Variants in ANO10 observed in about 807,000 individuals in gnomAD.
ANO10 encodes anoctamin 10.
In ANO10, 77 loss-of-function variants were observed where a neutral mutation model predicts 74.7. The ratio of observed to expected loss-of-function variants is 1.03; its 90% CI spans 0.86 to 1.25. The LOEUF (loss-of-function observed/expected upper bound fraction) is 1.25. ANO10 is among the 50% of genes most tolerant of loss of function. The pLI, the probability that ANO10 is intolerant of heterozygous loss-of-function variation, is 0.00. For synonymous variants in ANO10, 279 were observed against 284.9 expected, an observed-to-expected ratio of 0.98 and a Z score of 0.21; for missense variants, 721 against 778.1, an observed-to-expected ratio of 0.93 and a Z score of 0.87.
chr3:43,451,108 G>A (rs2074847097), intron 11 of ANO10, among the ~76,000 whole-genome samples: 1 of 152,200 alleles, frequency 6.6e-6, no homozygotes, highest in Non-Finnish European at 1.5e-5. Context: ...GCACATCCTT[G>A]CAGGAACAGT....
intron 11 of ANO10, among the ~76,000 whole-genome samples, chr3:43,535,293 G>T (rs1200382580): frequency 6.6e-5 from 9 of 136,228 alleles, no homozygotes; most frequent in Admixed American, 1.5e-4. Flanking sequence ...TTTTTTGAAG[G>T]GGGGAAGAGG....
intron 4 of ANO10, among the ~76,000 whole-genome samples, chr3:43,587,110 A>C (rs1386758558): frequency 3.9e-5 from 6 of 152,202 alleles, no homozygotes; most frequent in Non-Finnish European, 7.3e-5. Flanking sequence ...CAACCAAAAA[A>C]AAATTTGATA....
chr3:43,676,647 C>T (rs560845829), intron 1 of ANO10, among the ~76,000 whole-genome samples: 1 of 152,190 alleles, frequency 6.6e-6, no homozygotes, highest in East Asian at 1.9e-4. Flanking sequence ...TGTATTGTTT[C>T]AGTGTCAATG....
intron 11 of ANO10, among the ~76,000 whole-genome samples, chr3:43,471,208 C>T (rs1343939799): frequency 6.6e-6 from 1 of 152,112 alleles, no homozygotes; most frequent in Non-Finnish European, 1.5e-5. Flanking sequence ...ACATCAAACA[C>T]TCAACCCCAG....
intron 2 of ANO10, among the ~76,000 whole-genome samples, chr3:43,604,470 T>C (rs2082471893): frequency 6.6e-6 from 1 of 152,108 alleles, no homozygotes; most frequent in African/African-American, 2.4e-5. Context: ...GCCGCCTGTT[T>C]CCTAGCTTCC....
At chr3:43,634,174 C>T (rs2083581112) in intron 1 of ANO10, among the ~76,000 whole-genome samples, 1 of 152,044 alleles carries the variant, frequency 6.6e-6, no homozygotes. Context: ...AGCCTTGCCA[C>T]CATCACAACT....
intron 4 of ANO10, among the ~76,000 whole-genome samples, chr3:43,588,458 G>A (rs2081576845): frequency 6.6e-6 from 1 of 150,940 alleles, no homozygotes; most frequent in Admixed American, 6.6e-5. Flanking sequence ...ACACAAAAAA[G>A]CAATTTCAAC....
intron 12 of ANO10, among the ~76,000 whole-genome samples, chr3:43,418,831 T>G (rs75919775): frequency 6.6e-6 from 1 of 152,146 alleles, no homozygotes; most frequent in Admixed American, 6.5e-5. Flanking sequence ...AAGAAGGGAA[T>G]GGCAATAGGT....
chr3:43,547,758 T>C (rs913775035), intron 11 of ANO10, among the ~76,000 whole-genome samples: 5 of 152,110 alleles, frequency 3.3e-5, no homozygotes, highest in African/African-American at 9.7e-5. Flanking sequence ...GTCTCCCGAA[T>C]TAAGTAAGAA....
chr3:43,566,892 G>A (rs1019995383), intron 7 of ANO10, among the ~76,000 whole-genome samples: 6 of 152,146 alleles, frequency 3.9e-5, no homozygotes, highest in East Asian at 1.9e-4. Flanking sequence ...TCTGAGCTAC[G>A]GGAGGACATT....
In ANO10 at chr3:43,589,395, T is replaced by C. The variant is rs147998989; in HGVS notation, c.473-8923A>G. Among the ~76,000 whole-genome samples the C allele has an allele frequency of 3.0e-3, 454 of 152,294 alleles. 1 individual carries two copies. Among genetic ancestry groups the C allele is most frequent in the African/African-American group, 0.011 (438 of 41,562 alleles). On this transcript the variant is annotated intron_variant, in intron 4 of 12. Transcript: ENST00000292246. ...ATATAACATGCATTCCTTTATGAAC[T>C]GAAGCAATCGGCTGGGCGCAGTGGC...
At chr3:43,463,180 T>C (rs1045939298) in intron 11 of ANO10, among the ~76,000 whole-genome samples, 2 of 152,162 alleles carry the variant, frequency 1.3e-5, no homozygotes, top group Admixed American at 1.3e-4. Flanking sequence ...GACCTGAGAA[T>C]GGCAGATCCA....
At chr3:43,423,279 T>C (rs2092847895) in intron 12 of ANO10, among the ~76,000 whole-genome samples, 1 of 152,210 alleles carries the variant, frequency 6.6e-6, no homozygotes, top group African/African-American at 2.4e-5. Context: ...AAGACTCTTT[T>C]TTTTGTCCAA....
rs541944440 is a variant in ANO10, at chr3:43,436,977, T to G, written c.1798-4250A>C. ...TCTCCATTCAGATGGCAGCCACGAC[T>G]GAACAAAAGGAGTGCCCTGAAAAAG... is the stretch of plus-strand genomic sequence containing the variant. On this transcript the variant is annotated intron_variant, in intron 11 of 12. Transcript: ENST00000292246. Among the ~76,000 whole-genome samples the G allele has an allele frequency of 9.9e-5, 15 of 152,276 alleles. No individual in the cohort carries two copies. In the East Asian group the frequency reaches 2.5e-3, roughly 25 times the overall value.
intron 12 of ANO10, among the ~76,000 whole-genome samples, chr3:43,378,418 A>T (rs2125690307): frequency 6.6e-6 from 1 of 152,350 alleles, no homozygotes. Context: ...TATGAAATGC[A>T]GCCACAACTG....
At chr3:43,517,739 G>A (rs1175989315) in intron 11 of ANO10, among the ~76,000 whole-genome samples, 1 of 152,144 alleles carries the variant, frequency 6.6e-6, no homozygotes, top group Non-Finnish European at 1.5e-5. Flanking sequence ...CATACTACGT[G>A]TGACCAAAAT....
intron 11 of ANO10, among the ~76,000 whole-genome samples, chr3:43,544,350 G>C (rs2079084991): frequency 6.6e-6 from 1 of 151,970 alleles, no homozygotes; most frequent in Non-Finnish European, 1.5e-5. Flanking sequence ...AATGAAAGTA[G>C]TGTTCAAGTG....
chr3:43,399,994 G>A (rs2092450371), intron 12 of ANO10, among the ~76,000 whole-genome samples: 1 of 152,078 alleles, frequency 6.6e-6, no homozygotes, highest in South Asian at 2.1e-4. Context: ...TCCAATACAG[G>A]GAGTGCTCTC....
chr3:43,464,942 C>T (rs2075551013), intron 11 of ANO10, among the ~76,000 whole-genome samples: 2 of 152,076 alleles, frequency 1.3e-5, no homozygotes, highest in Admixed American at 1.3e-4. Flanking sequence ...AAATCAGGAA[C>T]AAAACAAGAA....
Sources: allele counts gnomAD v4.1 joint callset (sites outside exome capture counted in the v4.1 genomes callset), GRCh38; gene constraint gnomAD v4.1.1; transcripts MANE v1.5; gene names NCBI Gene and HGNC (gene_info 2026-07-23, HGNC 2026-07-21).